The following MAVS variants were observed in gnomAD, a reference collection of about 807,000 sequenced individuals.
The protein encoded by MAVS is mitochondrial antiviral signaling protein.
Under a neutral mutation model 30.2 loss-of-function variants are expected in MAVS, and 20 were observed. The observed-to-expected ratio is 0.66, with a 90% CI of 0.47 to 0.96. MAVS has a LOEUF of 0.96. Among genes scored for constraint, MAVS ranks in the 40% least tolerant of loss-of-function variants. The probability of loss-of-function intolerance (pLI) is 0.00; values close to 1 mark genes in which losing one functional copy is unlikely to be tolerated. For synonymous variants in MAVS, 278 were observed against 293.9 expected (o/e 0.95, Z 0.55); for missense variants, 624 against 701.1 (o/e 0.89, Z 1.24).
chr20:3,859,472 C>T (rs371228044), intron 3 of MAVS, among the ~76,000 whole-genome samples: 12 of 149,486 alleles, frequency 8.0e-5, no homozygotes, highest in East Asian at 8.0e-4. Context: ...TGCGCCACTG[C>T]ACTCCAGCCT....
At chr20:3,848,541 G>A (rs1447002856) in intron 1 of MAVS, among the ~76,000 whole-genome samples, 1 of 152,244 alleles carries the variant, frequency 6.6e-6, no homozygotes, top group African/African-American at 2.4e-5. Flanking sequence ...CTGCTGGCTG[G>A]CAAAGCAACT....
intron 3 of MAVS, 151 bp downstream of exon 3, chr20:3,857,960 G>A (rs2089827555): frequency 1.2e-6 from 1 of 857,428 alleles, no homozygotes; most frequent in Admixed American, 2.0e-5. Context: ...GATCCAGGCT[G>A]AGCCACTTAC....
Position 3,873,923 on chromosome 20 carries a change from A to C in MAVS, c.*7776A>C. The C allele has an allele frequency of 7.6e-6, 3 of 393,748 alleles. No homozygotes were observed. The highest frequency in any genetic ancestry group is 1.3e-5 in the Non-Finnish European group (3 of 224,018). The allele number at this position is 393,748 out of a possible 1,614,324, so 24.4% of individuals were successfully genotyped here. On this transcript the variant is annotated 3_prime_UTR_variant, in exon 7 of 7. Coordinates refer to ENST00000428216, the MANE Select transcript of MAVS (RefSeq NM_020746.5). ...AGTTCCACTCCTGGGTATGTACACC[A>C]CAGAAAGCTATGTCCACCGAGACAT... is the stretch of plus-strand genomic sequence containing the variant.
rs759060883 is a variant in MAVS at position 3,864,709 on chromosome 20, C to T, written c.1079C>T (p.Pro360Leu). 1.2e-6 allele frequency: 2 copies of T among 1,614,266 alleles called. No homozygotes were observed. Among genetic ancestry groups the T allele is most frequent in the East Asian group, 2.2e-5 (1 of 44,896 alleles). ...PINSTRAGMVPSKVPTSMVLT... is the reference protein window; with the variant it reads ...PINSTRAGMVLSKVPTSMVLT... ...AACTCAACCCGTGCTGGCATGGTGC[C>T]ATCCAAAGTGCCTACTAGCATGGTG... The change falls in exon 6 of 7, where the codon CCA (proline) becomes CTA (leucine). Residue 360 changes from proline to leucine, a missense_variant. Coordinates refer to ENST00000428216, the MANE Select transcript of MAVS (RefSeq NM_020746.5).
chr20:3,874,530 G>A lies in MAVS; in HGVS notation c.*8383G>A, dbSNP rs2089977228. On this transcript the variant is annotated 3_prime_UTR_variant, in exon 7 of 7. Coordinates refer to ENST00000428216, the MANE Select transcript of MAVS (RefSeq NM_020746.5). ...AAAAAGGGAAGGCTCTGGGTGTGCTGTGATTGGAGATTGTTGGCATGGGGA... is the reference window on the plus strand; with the variant it reads ...AAAAAGGGAAGGCTCTGGGTGTGCTATGATTGGAGATTGTTGGCATGGGGA... 1 of 266,608 alleles carries A rather than the reference G, an allele frequency of 3.8e-6. No individual in the cohort carries two copies. The highest frequency in any genetic ancestry group is 1.7e-4 in the South Asian group (1 of 5,840). 16.5% of individuals were successfully genotyped at this position (266,608 alleles called of 1,614,324 possible).
chr20:3,856,354 T>A (rs955153192), intron 2 of MAVS, among the ~76,000 whole-genome samples: 2 of 41,240 alleles, frequency 4.8e-5, no homozygotes, highest in Admixed American at 6.6e-4. Flanking sequence ...GCGCCCAGCA[T>A]TTTTTTTTTT....
chr20:3,873,601 G>A lies in MAVS; in HGVS notation c.*7454G>A, dbSNP rs2089970816. On this transcript the variant is annotated 3_prime_UTR_variant, in exon 7 of 7. Transcript: ENST00000428216. ...TCATGAGGGTGGAGATCATGAATGGGGTTAGCACCTTATAAAACAGGCTTG... is the reference window on the plus strand; with the variant it reads ...TCATGAGGGTGGAGATCATGAATGGAGTTAGCACCTTATAAAACAGGCTTG... The A allele has an allele frequency of 6.6e-6, 1 of 152,182 alleles. No homozygotes were observed. Among genetic ancestry groups the A allele is most frequent in the Non-Finnish European group, 1.5e-5 (1 of 68,178 alleles). 9.4% of individuals were successfully genotyped at this position (152,182 alleles called of 1,614,324 possible). A position where few individuals can be genotyped will look rare whatever the true frequency, so the allele number is the denominator to read the frequency against.
intron 3 of MAVS, 36 bp downstream of exon 3, chr20:3,857,845 C>A: frequency 6.2e-7 from 1 of 1,609,062 alleles, no homozygotes; most frequent in African/African-American, 1.3e-5. Context: ...GGACCCCCAG[C>A]CTGCTCCCTG....
intron 2 of MAVS, 89 bp downstream of exon 2, chr20:3,854,830 C>A: frequency 2.5e-6 from 2 of 815,692 alleles, no homozygotes; most frequent in Non-Finnish European, 3.9e-6. Context: ...CTCACCCAAG[C>A]CTGGGCTGGC....
intron 3 of MAVS, among the ~76,000 whole-genome samples, chr20:3,858,800 T>C (rs993213535): frequency 5.7e-5 from 8 of 140,586 alleles, no homozygotes; most frequent in African/African-American, 1.2e-4. Context: ...TTCTCTCTCT[T>C]TTTTTTTTTT....
At chr20:3,854,106 CA>C (rs2089788374) in intron 1 of MAVS, among the ~76,000 whole-genome samples, 1 of 150,296 alleles carries the variant, frequency 6.7e-6, no homozygotes, top group Non-Finnish European at 1.5e-5. Flanking sequence ...CCCGAGACCC[CA>C]TCTCTTAAAA....
chr20:3,869,609 T>TC lies in MAVS; in HGVS notation c.*3464dup, dbSNP rs2089938870. The TC allele has an allele frequency of 6.6e-6, 1 of 151,258 alleles. No homozygotes were observed. The highest frequency in any genetic ancestry group is 6.6e-5 in the Admixed American group (1 of 15,130). 9.4% of individuals were successfully genotyped at this position (151,258 alleles called of 1,614,324 possible). On this transcript the variant is annotated 3_prime_UTR_variant, in exon 7 of 7. Coordinates refer to ENST00000428216, the MANE Select transcript of MAVS (RefSeq NM_020746.5). ...ACCCAAACCCCACCACTTTTTTTTT[T>TC]CCTTTTTCTTTTTTTGAGACAGTCT... is the stretch of plus-strand genomic sequence containing the variant.
rs200118692 is a variant in MAVS at position 3,861,343 on chromosome 20, C to A, written c.304C>A (p.Arg102Ser). The change falls in exon 4 of 7, where the codon CGT becomes AGT. Residue 102 changes from arginine to serine, a missense_variant. Physicochemically the swap from Arg to Ser is moderately radical, Grantham distance 110. Transcript: ENST00000428216. ...YQSYQPRTSD[R>S]PPDPLEPPSL... is the part of the protein sequence containing the mutation. The stretch of plus-strand genomic sequence containing the variant: ...TCTTTGTCCTCTAGGGACCTCGGAC[C>A]GTCCCCCAGACCCACTGGAGCCACC... 10 of 1,612,380 alleles carry A rather than the reference C, an allele frequency of 6.2e-6. No individual in the cohort carries two copies. The highest frequency in any genetic ancestry group is 1.1e-5 in the South Asian group (1 of 90,934).
intron 5 of MAVS, among the ~76,000 whole-genome samples, chr20:3,863,757 T>C (rs1246338941): frequency 6.6e-6 from 1 of 151,978 alleles, no homozygotes; most frequent in Non-Finnish European, 1.5e-5. Context: ...CCTTGTCCCC[T>C]CTCTTCCCAA....
rs1471510810 is a variant in MAVS, at chr20:3,865,701, A to T, written c.1177A>T (p.Thr393Ser). The change falls in exon 7 of 7, where the codon ACA (threonine) becomes TCA (serine). Residue 393 changes from threonine to serine, a missense_variant. Thr to Ser is a moderately conservative substitution (Grantham distance 58). Transcript: ENST00000428216. This position sits in a 1 kb window ranked among gnomAD's most constrained non-coding sequence, Gnocchi z 4.7. ...TTCCCAGGAGACCCCAGCAGCTCCA[A>T]CACCCGCCGGCGCCACTGGAGGCAG... ...SRNEETPAAPTPAGATGGSSA... is the reference protein window; with the variant it reads ...SRNEETPAAPSPAGATGGSSA... 2 of 1,607,870 alleles carry T rather than the reference A, an allele frequency of 1.2e-6. No individual in the cohort carries two copies. The highest frequency in any genetic ancestry group is 2.7e-5 in the African/African-American group (2 of 74,790).
chr20:3,863,140 C>T (rs909120622), intron 5 of MAVS, among the ~76,000 whole-genome samples: 4 of 152,114 alleles, frequency 2.6e-5, no homozygotes, highest in African/African-American at 4.8e-5. Flanking sequence ...ACTGTCTTAC[C>T]GCAGAGATCT....
Position 3,862,348 on chromosome 20 carries a change from T to G in MAVS, c.560T>G (p.Leu187Arg). 6.2e-7 allele frequency: 1 copy of G among 1,614,102 alleles called. No homozygotes were observed. Among genetic ancestry groups the G allele is most frequent in the Non-Finnish European group, 8.5e-7 (1 of 1,180,010 alleles). ...GAGTCCTCCTCTGACCTGGCAGCCC[T>G]CAGCCCTCTGACCTCCAGCGGGCAT... ...PLESSSDLAA[L>R]SPLTSSGHQE... The change falls in exon 5 of 7, where the codon CTC becomes CGC. Residue 187 changes from leucine (L) to arginine (R), a missense_variant. Transcript: ENST00000428216.
At chr20:3,862,746 A>ATAAG (rs1480400292) in intron 5 of MAVS, among the ~76,000 whole-genome samples, 1 of 152,062 alleles carries the variant, frequency 6.6e-6, no homozygotes, top group East Asian at 1.9e-4. Flanking sequence ...CGGTATATAC[A>ATAAG]TAAGTTCTGC....
At chr20:3,850,403 G>C (rs1001850897) in intron 1 of MAVS, among the ~76,000 whole-genome samples, 19 of 146,770 alleles carry the variant, frequency 1.3e-4, no homozygotes, top group African/African-American at 4.8e-4. Context: ...TTCGAGACCG[G>C]AACATGGTGA....
Sources: allele counts gnomAD v4.1 joint callset (sites outside exome capture counted in the v4.1 genomes callset), GRCh38; gene constraint gnomAD v4.1.1; non-coding constraint Gnocchi (gnomAD v3.1); transcripts MANE v1.5; gene names NCBI Gene and HGNC (gene_info 2026-07-23, HGNC 2026-07-21).